UBTD2: variants seen among roughly 807,000 people sequenced by gnomAD.
UBTD2 encodes the protein ubiquitin domain containing 2.
UBTD2 carries 9 observed loss-of-function variants against 19.8 expected under a neutral mutation model. That is an observed-to-expected ratio of 0.46 (90% CI 0.27 to 0.79). The LOEUF (loss-of-function observed/expected upper bound fraction) is 0.79, where lower values mean the gene tolerates loss of function less well. Among genes scored for constraint, UBTD2 ranks in the 30% least tolerant of loss-of-function variants. UBTD2 has a pLI of 0.14. For synonymous variants in UBTD2, 98 were observed against 103.9 expected, an observed-to-expected ratio of 0.94 and a Z score of 0.35; for missense variants, 250 against 300.4, an observed-to-expected ratio of 0.83 and a Z score of 1.24.
intron 1 of UBTD2, among the ~76,000 whole-genome samples, chr5:172,272,736 T>C (rs1029483995): frequency 1.3e-5 from 2 of 152,158 alleles, no homozygotes; most frequent in Non-Finnish European, 2.9e-5. Flanking sequence ...AAGCTTTGCA[T>C]ATACAGTAAT....
At chr5:172,248,413 C>T (rs1410922366) in intron 1 of UBTD2, among the ~76,000 whole-genome samples, 1 of 152,022 alleles carries the variant, frequency 6.6e-6, no homozygotes, top group Non-Finnish European at 1.5e-5. Flanking sequence ...TATGGTGAAA[C>T]CCCATCTCTA....
chr5:172,250,320 T>C (rs1561859762), intron 1 of UBTD2, among the ~76,000 whole-genome samples: 1 of 152,160 alleles, frequency 6.6e-6, no homozygotes, highest in Non-Finnish European at 1.5e-5. Context: ...AATAGTTAAC[T>C]TTACAGTGAA....
chr5:172,220,852 ACTGT>A (rs1328682094), intron 2 of UBTD2, among the ~76,000 whole-genome samples: 3 of 152,214 alleles, frequency 2.0e-5, no homozygotes, highest in East Asian at 3.8e-4. Flanking sequence ...CAGATGACAT[ACTGT>A]CTATGTAAAA....
At chr5:172,236,639 CA>C (rs574178874) in intron 1 of UBTD2, among the ~76,000 whole-genome samples, 87 of 152,232 alleles carry the variant, frequency 5.7e-4, no homozygotes, top group Admixed American at 1.2e-3. Context: ...GCTTACTGAC[CA>C]GGAAGTGGAA....
At chr5:172,234,676 G>A (rs939444746) in intron 1 of UBTD2, among the ~76,000 whole-genome samples, 1 of 152,192 alleles carries the variant, frequency 6.6e-6, no homozygotes, top group Non-Finnish European at 1.5e-5. Context: ...GGAGGCTGAG[G>A]TGGAAGGAAG....
At chr5:172,269,620 G>A (rs935787545) in intron 1 of UBTD2, among the ~76,000 whole-genome samples, 3 of 151,226 alleles carry the variant, frequency 2.0e-5, no homozygotes, top group Non-Finnish European at 4.4e-5. Context: ...GCCTCTTCTC[G>A]TAACAAGATT....
intron 1 of UBTD2, among the ~76,000 whole-genome samples, chr5:172,269,874 G>A (rs10039416): frequency 0.3 from 45,325 of 150,954 alleles, 6,924 homozygotes; most frequent in South Asian, 0.42. Context: ...TCAGGAGTTC[G>A]AGACCGGCCT....
chr5:172,268,199 T>TA (rs1755416664), intron 1 of UBTD2, among the ~76,000 whole-genome samples: 1 of 151,984 alleles, frequency 6.6e-6, no homozygotes, highest in Non-Finnish European at 1.5e-5. Flanking sequence ...GTGGAGAGGA[T>TA]AAGTACTATA....
intron 1 of UBTD2, among the ~76,000 whole-genome samples, chr5:172,251,655 T>C (rs947262660): frequency 2.0e-5 from 3 of 150,708 alleles, no homozygotes; most frequent in Admixed American, 2.0e-4. Context: ...CAACCAAGAA[T>C]ACCATAACCA....
chr5:172,239,568 C>G (rs1772082036), intron 1 of UBTD2, among the ~76,000 whole-genome samples: 1 of 151,992 alleles, frequency 6.6e-6, no homozygotes, highest in South Asian at 2.1e-4. Flanking sequence ...TTACAGGCGC[C>G]TGCCACCACG....
intron 1 of UBTD2, among the ~76,000 whole-genome samples, chr5:172,262,446 C>CAAAAA (rs1191776236): frequency 1.6e-4 from 8 of 48,852 alleles, no homozygotes; most frequent in Non-Finnish European, 2.1e-4. Flanking sequence ...ACAGATCCAC[C>CAAAAA]AAAAAAAAAA....
chr5:172,255,676 C>T (rs1329721307), intron 1 of UBTD2, among the ~76,000 whole-genome samples: 2 of 152,196 alleles, frequency 1.3e-5, no homozygotes, highest in African/African-American at 4.8e-5. Flanking sequence ...CTGGCACCAA[C>T]TCCAGGCAGT....
intron 1 of UBTD2, among the ~76,000 whole-genome samples, chr5:172,267,436 AAACTGTAC>A (rs1457098696): frequency 6.6e-6 from 1 of 152,238 alleles, no homozygotes; most frequent in Non-Finnish European, 1.5e-5. Flanking sequence ...CAGTCCCGTA[AAACTGTAC>A]AAGTGAGCAC....
Position 172,209,650 on chromosome 5 carries a change from T to C in UBTD2, c.*2180A>G, listed in dbSNP as rs1380852744. The C allele has an allele frequency of 7.2e-6, 1 of 138,984 alleles. No individual in the cohort carries two copies. The highest frequency in any genetic ancestry group is 7.4e-5 in the Admixed American group (1 of 13,488). 8.6% of individuals were successfully genotyped at this position (138,984 alleles called of 1,614,324 possible). A position where few individuals can be genotyped will look rare whatever the true frequency, so the allele number is the denominator to read the frequency against. ...ATAAAGGCAAAGACAAAGAGAAAAATTGAACCTTTTTTTTTTTTTTAAAAA... is the reference window on the plus strand; with the variant it reads ...ATAAAGGCAAAGACAAAGAGAAAAACTGAACCTTTTTTTTTTTTTTAAAAA... On this transcript the variant is annotated 3_prime_UTR_variant, in exon 3 of 3. Coordinates refer to ENST00000393792, the MANE Select transcript of UBTD2 (RefSeq NM_152277.3).
At chr5:172,255,565 G>A (rs1332318399) in intron 1 of UBTD2, 14 of 259,184 alleles carry the variant, frequency 5.4e-5, no homozygotes, top group Non-Finnish European at 1.1e-4. Context: ...TCAGGGTTCC[G>A]GGCGGCGTTG....
intron 1 of UBTD2, among the ~76,000 whole-genome samples, chr5:172,251,465 C>CAAAAAAAAAAAA (rs59810255): frequency 1.1e-5 from 1 of 91,958 alleles, no homozygotes; most frequent in African/African-American, 4.1e-5. Flanking sequence ...TCAAACTGTC[C>CAAAAAAAAAAAA]AAAAAAAAAA....
At chr5:172,238,384 CAT>C (rs1772053948) in intron 1 of UBTD2, among the ~76,000 whole-genome samples, 2 of 152,156 alleles carry the variant, frequency 1.3e-5, no homozygotes, top group South Asian at 2.1e-4. Flanking sequence ...TATGAATTAA[CAT>C]ATGAGAAATA....
intron 1 of UBTD2, among the ~76,000 whole-genome samples, chr5:172,244,010 T>C (rs1772185939): frequency 6.6e-6 from 1 of 152,054 alleles, no homozygotes; most frequent in East Asian, 1.9e-4. Context: ...GACCATCATC[T>C]TGGGTTTCAG....
intron 2 of UBTD2, among the ~76,000 whole-genome samples, chr5:172,229,450 G>A (rs1238977044): frequency 7.4e-6 from 1 of 135,732 alleles, no homozygotes; most frequent in Non-Finnish European, 1.5e-5. Context: ...GCAGTGAGCC[G>A]AGATTGTGCC....
Sources: gnomAD v4.1 joint callset for allele counts (sites outside exome capture counted in the v4.1 genomes callset) on GRCh38, gnomAD v4.1.1 for gene constraint, MANE v1.5 for transcripts, NCBI Gene and HGNC (gene_info 2026-07-23, HGNC 2026-07-21) for gene names.